Variants in SCARB1 observed in about 807,000 individuals in gnomAD.
The protein encoded by SCARB1 is scavenger receptor class B member 1.
In SCARB1, 30 loss-of-function variants were observed where a neutral mutation model predicts 57.2. The ratio of observed to expected loss-of-function variants is 0.52; its 90% CI spans 0.39 to 0.71. SCARB1 has a LOEUF of 0.71. Among genes scored for constraint, SCARB1 ranks in the 30% least tolerant of loss-of-function variants. The pLI is 0.00. For synonymous variants in SCARB1, 249 were observed against 268.3 expected, an observed-to-expected ratio of 0.93 and a Z score of 0.70; for missense variants, 543 against 671.2, an observed-to-expected ratio of 0.81 and a Z score of 2.11.
At chr12:124,833,081 T>C (rs1006394888) in intron 1 of SCARB1, among the ~76,000 whole-genome samples, 1 of 152,068 alleles carries the variant, frequency 6.6e-6, no homozygotes, top group African/African-American at 2.4e-5. Context: ...CCCCTGCTTC[T>C]GAGGTCACAT....
Position 124,778,554 on chromosome 12 carries a change from C to A in SCARB1, c.*33G>T. 2 of 1,387,734 alleles carry A rather than the reference C, an allele frequency of 1.4e-6. No homozygotes were observed. The highest frequency in any genetic ancestry group is 4.0e-5 in the Admixed American group (1 of 25,258). 86.0% of individuals were successfully genotyped at this position (1,387,734 alleles called of 1,614,324 possible). ...TGGGGGGCCGGTCAGGCCCAGCGGC[C>A]AGGCCTGGCTGGCTCACGGTGTCCT... On this transcript the variant is annotated 3_prime_UTR_variant, in exon 13 of 13. Coordinates refer to ENST00000261693, the MANE Select transcript of SCARB1 (RefSeq NM_005505.5).
At chr12:124,805,316 A>C (rs561454728) in intron 7 of SCARB1, among the ~76,000 whole-genome samples, 167 of 152,266 alleles carry the variant, frequency 1.1e-3, no homozygotes, top group Non-Finnish European at 2.0e-3. Context: ...CAGGGGAAGC[A>C]ACCCATGCAA....
At chr12:124,861,823 T>C (rs1952913271) in intron 1 of SCARB1, among the ~76,000 whole-genome samples, 2 of 152,192 alleles carry the variant, frequency 1.3e-5, no homozygotes, top group African/African-American at 4.8e-5. Flanking sequence ...GGTTTTCCTC[T>C]TTAGAAGCCC....
chr12:124,846,687 C>T lies in SCARB1; in HGVS notation c.126+16908G>A, dbSNP rs944814878. Among the ~76,000 whole-genome samples, 17 of 136,038 alleles carry T rather than the reference C, an allele frequency of 1.2e-4. No individual in the cohort carries two copies. The East Asian group carries it at 1.4e-3, about 11-fold the overall frequency. 89.2% of individuals were successfully genotyped at this position (136,038 alleles called of 152,430 possible). A position where few individuals can be genotyped will look rare whatever the true frequency, so the allele number is the denominator to read the frequency against. ...CAGAAGTTGCAGTGAGCTGAGATCG[C>T]GCCACTGCACTCTAGCCTGGCCACA... On this transcript the variant is annotated intron_variant, in intron 1 of 12. Transcript: ENST00000261693.
chr12:124,782,932 A>G (rs1949371708), intron 11 of SCARB1, 121 bp from the exon 12 acceptor site: 1 of 962,814 alleles, frequency 1.0e-6, no homozygotes, highest in Non-Finnish European at 1.6e-6. Flanking sequence ...TTTAGAGTCC[A>G]ACAACCCTCA....
intron 12 of SCARB1, among the ~76,000 whole-genome samples, chr12:124,779,109 C>T (rs1350233528): frequency 3.9e-5 from 6 of 152,148 alleles, no homozygotes; most frequent in Non-Finnish European, 5.9e-5. Context: ...GCCACCACCA[C>T]GCCCGGCTCA....
chr12:124,823,700 C>T (rs955084639), intron 1 of SCARB1, among the ~76,000 whole-genome samples: 6 of 152,274 alleles, frequency 3.9e-5, no homozygotes, highest in East Asian at 3.9e-4. Context: ...CAGCACTGTT[C>T]GCAATGGGCG....
chr12:124,795,081 C>T, intron 9 of SCARB1, 114 bp downstream of exon 9: 1 of 895,840 alleles, frequency 1.1e-6, no homozygotes, highest in Non-Finnish European at 1.9e-6. Flanking sequence ...AGGACCCTCT[C>T]CCCTCCCCAT....
chr12:124,819,347 T>C (rs12297372), intron 1 of SCARB1, among the ~76,000 whole-genome samples: 2,882 of 152,242 alleles, frequency 0.019, 95 homozygotes, highest in African/African-American at 0.066. Context: ...AGTCGGAAGA[T>C]GAGAACACAG....
chr12:124,832,009 G>A (rs1018822411), intron 1 of SCARB1, among the ~76,000 whole-genome samples: 7 of 152,100 alleles, frequency 4.6e-5, no homozygotes, highest in African/African-American at 7.2e-5. Flanking sequence ...CAAACGCAAT[G>A]TGGGGCCCTG....
At position 124,786,244 on chromosome 12, in the gene SCARB1, G is replaced by A. The variant is rs767359630; in HGVS notation, c.1401+113C>T. On this transcript the variant is annotated intron_variant, in intron 11 of 12. Transcript: ENST00000261693. ...ACTCCGGCAGAGACGCAGGACTGCT[G>A]CTGGAGGTGGGCTCCAGGCTGCGGT... The A allele has an allele frequency of 3.1e-6, 5 of 1,599,278 alleles. No individual in the cohort carries two copies. The East Asian group carries it at 1.1e-4, about 36-fold the overall frequency.
chr12:124,846,731 A>AG (rs1952171392), intron 1 of SCARB1, among the ~76,000 whole-genome samples: 1 of 25,460 alleles, frequency 3.9e-5, no homozygotes, highest in Non-Finnish European at 1.4e-4. Context: ...CTCCATCTCA[A>AG]AAAAAAAAAA....
intron 1 of SCARB1, among the ~76,000 whole-genome samples, chr12:124,832,772 CA>C (rs1472800220): frequency 6.6e-6 from 1 of 152,192 alleles, no homozygotes; most frequent in Non-Finnish European, 1.5e-5. Flanking sequence ...TAAGCCCACC[CA>C]AACCAGATTA....
At chr12:124,855,378 C>G (rs991922296) in intron 1 of SCARB1, among the ~76,000 whole-genome samples, 1 of 152,154 alleles carries the variant, frequency 6.6e-6, no homozygotes, top group African/African-American at 2.4e-5. Flanking sequence ...CCATATCTCA[C>G]GCAGGCTTTG....
At chr12:124,818,873 C>T (rs1263982729) in intron 1 of SCARB1, among the ~76,000 whole-genome samples, 1 of 152,158 alleles carries the variant, frequency 6.6e-6, no homozygotes, top group Non-Finnish European at 1.5e-5. Context: ...GTTGGCCAGG[C>T]TGGTCTCCTG....
rs938580348 is a variant in SCARB1, at chr12:124,796,456, C to G, written c.1129-1188G>C. ...GACACACATGTGTCATCAAAAACAA[C>G]AGGAAGGTGGTTCCAGAATGAAGTC... On this transcript the variant is annotated intron_variant, in intron 8 of 12. Coordinates refer to ENST00000261693, the MANE Select transcript of SCARB1 (RefSeq NM_005505.5). This position sits in a 1 kb window ranked among gnomAD's most constrained non-coding sequence, Gnocchi z 4.0. Among the ~76,000 whole-genome samples the G allele has an allele frequency of 9.9e-5, 15 of 151,930 alleles. No individual in the cohort carries two copies. Among genetic ancestry groups the G allele is most frequent in the African/African-American group, 3.4e-4 (14 of 41,344 alleles).
At chr12:124,779,854 C>T (rs937859489) in intron 12 of SCARB1, among the ~76,000 whole-genome samples, 17 of 152,146 alleles carry the variant, frequency 1.1e-4, no homozygotes, top group Admixed American at 7.2e-4. Flanking sequence ...GCACAGGGGC[C>T]AGGGTCTGCT....
intron 7 of SCARB1, among the ~76,000 whole-genome samples, chr12:124,806,857 GCAC>G (rs1950342058): frequency 6.6e-6 from 1 of 152,038 alleles, no homozygotes; most frequent in Non-Finnish European, 1.5e-5. Flanking sequence ...AGCTATAATC[GCAC>G]CACTATACTC....
intron 1 of SCARB1, among the ~76,000 whole-genome samples, chr12:124,852,441 A>G (rs1226059235): frequency 6.6e-6 from 1 of 152,178 alleles, no homozygotes; most frequent in Non-Finnish European, 1.5e-5. Context: ...GCCCGGAGAA[A>G]CACGCCCGGC....
Sources: gnomAD v4.1 joint callset for allele counts (sites outside exome capture counted in the v4.1 genomes callset) on GRCh38, gnomAD v4.1.1 for gene constraint, Gnocchi (gnomAD v3.1) non-coding constraint, MANE v1.5 for transcripts, NCBI Gene and HGNC (gene_info 2026-07-23, HGNC 2026-07-21) for gene names.